MAP3K19: variants seen among roughly 807,000 people sequenced by gnomAD.
The protein encoded by MAP3K19 is mitogen-activated protein kinase kinase kinase 19, also known as SPS1/STE20-related protein kinase YSK4.
In MAP3K19, 91 loss-of-function variants were observed where a neutral mutation model predicts 114.4. The observed-to-expected ratio is 0.80, with a 90% CI of 0.67 to 0.95. The LOEUF (loss-of-function observed/expected upper bound fraction) is 0.95. Ranked by LOEUF, MAP3K19 falls within the 40% of genes least tolerant of loss-of-function variation. The pLI is 0.00. For synonymous variants in MAP3K19, 518 were observed against 530.5 expected, an observed-to-expected ratio of 0.98 and a Z score of 0.32; for missense variants, 1,471 against 1,573.2, an observed-to-expected ratio of 0.94 and a Z score of 1.10.
In MAP3K19 at chr2:135,033,401, C is replaced by T. The variant is rs1223645737; in HGVS notation, c.-283-2901G>A. On this transcript the variant is annotated intron_variant, in intron 2 of 12. Coordinates refer to ENST00000392915, the MANE Select transcript of MAP3K19 (RefSeq NM_025052.5). ...CCCCCCACTGCCCTCCCGGACGGGG[C>T]GGCTGGCCGGGCAGAGGGGATCCTC... is the stretch of plus-strand genomic sequence containing the variant. 4.2e-4 allele frequency among the ~76,000 whole-genome samples: 42 copies of T among 100,256 alleles called. 1 individual carries two copies. The highest frequency in any genetic ancestry group is 8.4e-4 in the South Asian group (2 of 2,380). 65.8% of individuals were successfully genotyped at this position (100,256 alleles called of 152,430 possible). A position where few individuals can be genotyped will look rare whatever the true frequency, so the allele number is the denominator to read the frequency against.
chr2:134,975,047 T>C (rs906490304), intron 12 of MAP3K19, among the ~76,000 whole-genome samples: 1 of 152,182 alleles, frequency 6.6e-6, no homozygotes, highest in African/African-American at 2.4e-5. Flanking sequence ...TTGCTGGGGA[T>C]TGGTATGCCA....
At position 134,983,816 on chromosome 2, in the gene MAP3K19, T is replaced by C. The variant is rs2105213259; in HGVS notation, c.3082A>G (p.Ser1028Gly). ...TCCCTGTCATATATCCTGAGCCCAC[T>C]ACTATGCCTCTGGAAGAATGAGACA... ...TTKVKIQRHSSGLRIYDREEK... is the reference protein window; with the variant it reads ...TTKVKIQRHSGGLRIYDREEK... Residue 1028 changes from serine (S) to glycine (G), a missense_variant, in exon 11 of 13, where the codon AGT becomes GGT. Transcript: ENST00000392915. 6.4e-7 allele frequency: 1 copy of C among 1,573,216 alleles called. No individual in the cohort carries two copies. The highest frequency in any genetic ancestry group is 8.6e-7 in the Non-Finnish European group (1 of 1,165,334).
At chr2:135,005,675 T>C in intron 5 of MAP3K19, 144 bp from the exon 6 acceptor site, 1 of 639,960 alleles carries the variant, frequency 1.6e-6, no homozygotes, top group Non-Finnish European at 2.8e-6. Context: ...ACTAAAATAA[T>C]AAGAAAGTAT....
chr2:134,972,595 C>T (rs190241445), intron 12 of MAP3K19, among the ~76,000 whole-genome samples: 6 of 151,410 alleles, frequency 4.0e-5, no homozygotes, highest in Admixed American at 6.6e-5. Context: ...AGTGACCTAG[C>T]TAGCTAATTT....
chr2:134,991,608 A>G, intron 8 of MAP3K19, 28 bp from the exon 9 acceptor site: 1 of 1,586,922 alleles, frequency 6.3e-7, no homozygotes, highest in African/African-American at 1.3e-5. Context: ...ATAACTGGAT[A>G]TTCTTAGTAG....
At chr2:135,041,332 T>C (rs1688642096) in intron 1 of MAP3K19, among the ~76,000 whole-genome samples, 1 of 151,580 alleles carries the variant, frequency 6.6e-6, no homozygotes, top group African/African-American at 2.4e-5. Context: ...CTCTCCTGCA[T>C]GGAACCTTTT....
In MAP3K19 at chr2:134,986,726, G is replaced by A. The variant is rs1398338119; in HGVS notation, c.2146C>T (p.Leu716Phe). ...SERKSNIRTR[L>F]SQKKTHMKCP... ...TTCATATGTGTTTTTTTCTGAGAAAGTCTTGTTCTGATATTGCTCTTCCTC... is the reference window on the plus strand; with the variant it reads ...TTCATATGTGTTTTTTTCTGAGAAAATCTTGTTCTGATATTGCTCTTCCTC... Residue 716 changes from leucine to phenylalanine, a missense_variant, in exon 10 of 13, where the codon CTT becomes TTT. By Grantham distance (22) the Leu-to-Phe change is conservative (BLOSUM62 0). Coordinates refer to ENST00000392915, the MANE Select transcript of MAP3K19 (RefSeq NM_025052.5). The A allele has an allele frequency of 1.9e-6, 3 of 1,613,996 alleles. No homozygotes were observed. Among genetic ancestry groups the A allele is most frequent in the African/African-American group, 1.3e-5 (1 of 74,916 alleles).
intron 2 of MAP3K19, among the ~76,000 whole-genome samples, chr2:135,031,146 C>G (rs2104784769): frequency 7.3e-6 from 1 of 136,810 alleles, no homozygotes; most frequent in East Asian, 2.1e-4. Flanking sequence ...TAGTGAAGAA[C>G]AGAGACATAT....
At chr2:135,027,798 G>A (rs976324965) in intron 3 of MAP3K19, among the ~76,000 whole-genome samples, 1 of 152,124 alleles carries the variant, frequency 6.6e-6, no homozygotes, top group African/African-American at 2.4e-5. Context: ...ACTTCAATAT[G>A]TTCTTTCTCA....
chr2:134,973,749 CT>C (rs1415879493), intron 12 of MAP3K19, among the ~76,000 whole-genome samples: 2 of 151,868 alleles, frequency 1.3e-5, no homozygotes, highest in African/African-American at 4.8e-5. Flanking sequence ...CTTTCTCTAC[CT>C]CTTTTGTGTG....
chr2:134,981,882 T>TTC (rs1684686238), intron 11 of MAP3K19, among the ~76,000 whole-genome samples: 1 of 74,076 alleles, frequency 1.3e-5, no homozygotes, highest in Non-Finnish European at 2.5e-5. Flanking sequence ...TTTCTTTTCT[T>TTC]TTTTTTTTTT....
intron 3 of MAP3K19, among the ~76,000 whole-genome samples, chr2:135,025,377 CTTTTTT>C (rs754598942): frequency 1.4e-5 from 1 of 69,534 alleles, no homozygotes; most frequent in East Asian, 4.2e-4. Context: ...CTTTTCTTTT[CTTTTTT>C]TTTTTTTTTT....
At chr2:135,003,480 G>A (rs1339198085) in intron 6 of MAP3K19, among the ~76,000 whole-genome samples, 3 of 152,198 alleles carry the variant, frequency 2.0e-5, no homozygotes. Context: ...CATGAAAACA[G>A]TAAATTTGTA....
rs115364082 is a variant in MAP3K19, at chr2:134,965,274, C to T, written c.3921-358G>A. Among the ~76,000 whole-genome samples the T allele has an allele frequency of 8.0e-3, 1,221 of 152,238 alleles. 12 individuals are homozygous for T. The highest frequency in any genetic ancestry group is 0.026 in the African/African-American group (1,100 of 41,528). On this transcript the variant is annotated intron_variant, in intron 12 of 12. Coordinates refer to ENST00000392915, the MANE Select transcript of MAP3K19 (RefSeq NM_025052.5). ...TGCAATTTGTTTGGAGTCTAATTTA[C>T]GTATGGTAAAATTCACACTTACATT...
chr2:135,006,010 G>T (rs1043120714), intron 5 of MAP3K19, among the ~76,000 whole-genome samples: 1 of 152,168 alleles, frequency 6.6e-6, no homozygotes, highest in African/African-American at 2.4e-5. Flanking sequence ...AAAGGAGGCA[G>T]CAAAGCTGAT....
At position 134,997,726 on chromosome 2, in the gene MAP3K19, T is replaced by G. The variant is rs145278428; in HGVS notation, c.574+1012A>C. On this transcript the variant is annotated intron_variant, in intron 8 of 12. Transcript: ENST00000392915. ...CCCAGCTACTTGGGAGGCTGAGGCA[T>G]GAGAATTGCTTGAACCCAGGAGGCA... 4.3e-3 allele frequency among the ~76,000 whole-genome samples: 646 copies of G among 150,326 alleles called. 5 individuals are homozygous for G. The highest frequency in any genetic ancestry group is 0.014 in the African/African-American group (569 of 40,770).
chr2:134,977,809 A>C (rs1684353587), intron 12 of MAP3K19, among the ~76,000 whole-genome samples: 1 of 151,928 alleles, frequency 6.6e-6, no homozygotes, highest in African/African-American at 2.4e-5. Context: ...TCCCATTTTA[A>C]ATGTCTCTGC....
chr2:134,980,451 T>G (rs565373320), intron 12 of MAP3K19, among the ~76,000 whole-genome samples: 1 of 152,298 alleles, frequency 6.6e-6, no homozygotes, highest in African/African-American at 2.4e-5. Context: ...GCTCAAAATG[T>G]TTCCCCTCAC....
intron 5 of MAP3K19, among the ~76,000 whole-genome samples, chr2:135,014,157 A>G (rs1033204506): frequency 6.6e-6 from 1 of 152,178 alleles, no homozygotes; most frequent in Non-Finnish European, 1.5e-5. Flanking sequence ...GTTCGAGATC[A>G]GCCTGGGTGA....
Sources: gnomAD v4.1 joint callset for allele counts (sites outside exome capture counted in the v4.1 genomes callset) on GRCh38, gnomAD v4.1.1 for gene constraint, MANE v1.5 for transcripts, NCBI Gene and HGNC (gene_info 2026-07-23, HGNC 2026-07-21) for gene names.